The following SOX6 variants were observed in gnomAD, a reference collection of about 807,000 sequenced individuals.
SOX6 encodes the protein SRY-box transcription factor 6, also known as transcription factor SOX-6.
In SOX6, 11 loss-of-function variants were observed where a neutral mutation model predicts 97.8. The observed-to-expected ratio is 0.11, with a 90% CI of 0.07 to 0.19. The LOEUF (loss-of-function observed/expected upper bound fraction) is 0.19, where lower values mean the gene tolerates loss of function less well. Ranked by LOEUF, SOX6 falls within the 10% of genes least tolerant of loss-of-function variation. The pLI, the probability that SOX6 is intolerant of heterozygous loss-of-function variation, is 1.00. For synonymous variants in SOX6, 360 were observed against 371.4 expected (o/e 0.97, Z 0.35); for missense variants, 810 against 1,039.5 (o/e 0.78, Z 3.04).
intron 10 of SOX6, 69 bp downstream of exon 10, chr11:16,055,683 C>A: frequency 1.3e-6 from 2 of 1,597,678 alleles, no homozygotes; most frequent in Non-Finnish European, 1.7e-6. Context: ...CCCAACATAG[C>A]CTGCTTCACT....
chr11:16,004,428 T>C (rs1854493186), intron 13 of SOX6, among the ~76,000 whole-genome samples: 1 of 152,046 alleles, frequency 6.6e-6, no homozygotes, highest in Non-Finnish European at 1.5e-5. Context: ...CTCTCTTCAT[T>C]TCATTTGTCT....
In SOX6 at chr11:16,643,456, T is replaced by C. The variant is rs575371216; in HGVS notation, n.430-31196A>G. Among the ~76,000 whole-genome samples, 503 of 152,312 alleles carry C rather than the reference T, an allele frequency of 3.3e-3. 1 individual carries two copies. Among genetic ancestry groups the C allele is most frequent in the Non-Finnish European group, 5.3e-3 (358 of 68,024 alleles). ...TCTTCCAAGCTGCCAGACAGGGACATTTAAGTCTGCAGAGGTTTCTGCTGC... is the reference window on the plus strand; with the variant it reads ...TCTTCCAAGCTGCCAGACAGGGACACTTAAGTCTGCAGAGGTTTCTGCTGC... On this transcript the variant is annotated intron_variant and non_coding_transcript_variant, in intron 3 of 5. Coordinates refer to the SOX6 transcript ENST00000524520.
chr11:16,145,543 A>C (rs1850268888), intron 6 of SOX6, among the ~76,000 whole-genome samples: 1 of 152,188 alleles, frequency 6.6e-6, no homozygotes, highest in Non-Finnish European at 1.5e-5. Context: ...TTCAATTAGG[A>C]AAAGAGGAAG....
intron 4 of SOX6, among the ~76,000 whole-genome samples, chr11:16,509,731 G>C (rs542779196): frequency 3.0e-4 from 45 of 152,006 alleles, no homozygotes; most frequent in South Asian, 1.0e-3. Context: ...GGCATATTGA[G>C]CAATAAACAG....
In SOX6 at chr11:16,729,152, A is replaced by ACT. The variant is rs578195520; in HGVS notation, n.353+7185_353+7186dup. Among the ~76,000 whole-genome samples, 479 of 152,212 alleles carry ACT rather than the reference A, an allele frequency of 3.1e-3. 4 individuals carry two copies. The highest frequency in any genetic ancestry group is 0.011 in the African/African-American group (450 of 41,566). On this transcript the variant is annotated intron_variant and non_coding_transcript_variant, in intron 2 of 5. Coordinates refer to the SOX6 transcript ENST00000524520. The stretch of plus-strand genomic sequence containing the variant: ...GGAGAATGGAACCAAGTTGGAAAAC[A>ACT]CTTCAGGATATTATCCAGGAGAACT...
intron 3 of SOX6, among the ~76,000 whole-genome samples, chr11:16,270,973 A>C (rs1854242085): frequency 6.6e-6 from 1 of 151,416 alleles, no homozygotes; most frequent in Non-Finnish European, 1.5e-5. Flanking sequence ...GAATGTAATT[A>C]AGAGTAATGA....
At chr11:16,347,907 C>A (rs1856813530) in intron 1 of SOX6, among the ~76,000 whole-genome samples, 1 of 152,016 alleles carries the variant, frequency 6.6e-6, no homozygotes, top group Non-Finnish European at 1.5e-5. Context: ...CTGAGGTCCT[C>A]CTTTAGCTAA....
intron 9 of SOX6, among the ~76,000 whole-genome samples, chr11:16,081,432 A>C (rs1848471209): frequency 1.3e-5 from 2 of 152,134 alleles, no homozygotes; most frequent in South Asian, 4.1e-4. Context: ...AAAAATCTTT[A>C]AGCATTCACA....
intron 2 of SOX6, among the ~76,000 whole-genome samples, chr11:16,321,132 G>T (rs1855910632): frequency 6.6e-6 from 1 of 152,024 alleles, no homozygotes; most frequent in African/African-American, 2.4e-5. Flanking sequence ...ATTTGTCAAA[G>T]CCATTTAAAC....
At chr11:16,433,768 G>A (rs890583839) in intron 1 of SOX6, among the ~76,000 whole-genome samples, 3 of 152,098 alleles carry the variant, frequency 2.0e-5, no homozygotes, top group African/African-American at 4.8e-5. Flanking sequence ...AATATGAGCA[G>A]GATGAGGAAT....
intron 9 of SOX6, among the ~76,000 whole-genome samples, chr11:16,064,266 G>A (rs1848037377): frequency 6.6e-6 from 1 of 151,586 alleles, no homozygotes; most frequent in Admixed American, 6.6e-5. Context: ...TGGGAATTGA[G>A]GGGGGCTTTA....
At chr11:16,073,004 G>A (rs565283621) in intron 9 of SOX6, among the ~76,000 whole-genome samples, 3 of 152,126 alleles carry the variant, frequency 2.0e-5, no homozygotes, top group African/African-American at 4.8e-5. Flanking sequence ...ACTTAAGTAC[G>A]CAGACTAGTG....
chr11:16,203,329 G>A (rs1029559184), intron 4 of SOX6, among the ~76,000 whole-genome samples: 1 of 113,028 alleles, frequency 8.8e-6, no homozygotes, highest in African/African-American at 3.5e-5. Context: ...AAAAAGGAAG[G>A]AGAAAAAGTA....
chr11:16,137,608 A>G (rs1470209069), intron 6 of SOX6, among the ~76,000 whole-genome samples: 2 of 152,218 alleles, frequency 1.3e-5, no homozygotes, highest in Non-Finnish European at 1.5e-5. Flanking sequence ...ATGAGATAAT[A>G]ATATTTCTAC....
At chr11:16,146,547 T>C (rs1850303299) in intron 6 of SOX6, among the ~76,000 whole-genome samples, 1 of 152,098 alleles carries the variant, frequency 6.6e-6, no homozygotes, top group Middle Eastern at 3.4e-3. Flanking sequence ...AAAGAAACTA[T>C]CATCAGAGTG....
At chr11:16,339,221 A>C (rs185360249) in intron 2 of SOX6, among the ~76,000 whole-genome samples, 1 of 152,100 alleles carries the variant, frequency 6.6e-6, no homozygotes, top group East Asian at 1.9e-4. Flanking sequence ...TCTGTTTGAA[A>C]TGTTTTTGAA....
chr11:16,578,720 G>A (rs905379076), intron 4 of SOX6, among the ~76,000 whole-genome samples: 4 of 152,068 alleles, frequency 2.6e-5, no homozygotes, highest in Non-Finnish European at 5.9e-5. Context: ...TGAAAAGAAA[G>A]AGGAGTGCAG....
chr11:16,496,831 T>A (rs1051575045), intron 4 of SOX6, among the ~76,000 whole-genome samples: 2 of 152,112 alleles, frequency 1.3e-5, no homozygotes, highest in African/African-American at 2.4e-5. Flanking sequence ...AAGCTCAAAC[T>A]GGGTGGAGCC....
At chr11:16,536,832 G>A (rs1272040822) in intron 4 of SOX6, among the ~76,000 whole-genome samples, 1 of 152,234 alleles carries the variant, frequency 6.6e-6, no homozygotes, top group Non-Finnish European at 1.5e-5. Context: ...CCACAGATCA[G>A]CAAGGCCTAC....
Sources: gnomAD v4.1 joint callset for allele counts (sites outside exome capture counted in the v4.1 genomes callset) on GRCh38, gnomAD v4.1.1 for gene constraint, MANE v1.5 for transcripts, NCBI Gene and HGNC (gene_info 2026-07-23, HGNC 2026-07-21) for gene names.